QTGAL: variants seen among roughly 807,000 people sequenced by gnomAD.
QTGAL encodes the protein BGnT-like protein 1.
the QTGAL span, among the ~76,000 whole-genome samples, chr17:83,049,954 G>C: frequency 6.6e-6 from 1 of 152,140 alleles, no homozygotes; most frequent in Non-Finnish European, 1.5e-5. Flanking sequence ...AGATTAGTCT[G>C]TCCTCACCCT....
chr17:83,019,992 C>T, the QTGAL span, among the ~76,000 whole-genome samples: 145 of 152,200 alleles, frequency 9.5e-4, no homozygotes, highest in African/African-American at 3.3e-3. Flanking sequence ...CCTTGGCCTC[C>T]CAAAGTGCTG....
At chr17:83,022,039 T>C in the QTGAL span, among the ~76,000 whole-genome samples, 1 of 151,932 alleles carries the variant, frequency 6.6e-6, no homozygotes, top group Non-Finnish European at 1.5e-5. Context: ...TCTTCAAAAA[T>C]GAACCTGAAA....
chr17:83,004,762 C>CCACCCTCT, the QTGAL span, among the ~76,000 whole-genome samples: 1 of 67,220 alleles, frequency 1.5e-5, no homozygotes, highest in Non-Finnish European at 3.1e-5. Flanking sequence ...TCCCACCCTC[C>CCACCCTCT]GCAGTCCGCG....
the QTGAL span, among the ~76,000 whole-genome samples, chr17:82,992,268 G>A: frequency 6.6e-6 from 1 of 152,100 alleles, no homozygotes; most frequent in Admixed American, 6.5e-5. Flanking sequence ...TCAAACTCCT[G>A]AAGGTCAAGG....
At chr17:83,041,041 G>C in the QTGAL span, among the ~76,000 whole-genome samples, 1 of 149,862 alleles carries the variant, frequency 6.7e-6, no homozygotes, top group East Asian at 1.9e-4. Context: ...ACTCCAGGCT[G>C]GGTGACAGAG....
chr17:83,044,963 G>T, the QTGAL span, among the ~76,000 whole-genome samples: 1 of 148,630 alleles, frequency 6.7e-6, no homozygotes, highest in Non-Finnish European at 1.5e-5. Flanking sequence ...AAAAAAGAAA[G>T]AATCTAAATT....
At chr17:83,045,551 C>A in the QTGAL span, among the ~76,000 whole-genome samples, 1 of 152,032 alleles carries the variant, frequency 6.6e-6, no homozygotes, top group Non-Finnish European at 1.5e-5. Flanking sequence ...CAAAAGCACA[C>A]GCCACAAAAG....
At chr17:82,980,130 C>T in the QTGAL span, among the ~76,000 whole-genome samples, 3 of 152,130 alleles carry the variant, frequency 2.0e-5, no homozygotes, top group Admixed American at 6.5e-5. Flanking sequence ...GAAGAAAATC[C>T]TTATGTCCTA....
the QTGAL span, among the ~76,000 whole-genome samples, chr17:82,946,169 TA>T: frequency 6.6e-6 from 1 of 151,940 alleles, no homozygotes; most frequent in African/African-American, 2.4e-5. Flanking sequence ...GGAACAAGAA[TA>T]AAAAATACAC....
the QTGAL span, among the ~76,000 whole-genome samples, chr17:82,970,610 ACCTCCCCACCCGGCG>A: frequency 1.5e-4 from 21 of 139,820 alleles, 3 homozygotes; most frequent in African/African-American, 5.3e-4. Flanking sequence ...CGTGGCCGCG[ACCTCCCCACCCGGCG>A]TGGCCGCGAC....
At chr17:82,958,860 GGTGTGTGT>G in the QTGAL span, among the ~76,000 whole-genome samples, 1 of 75,366 alleles carries the variant, frequency 1.3e-5, no homozygotes. Context: ...GGGGGTGTAT[GGTGTGTGT>G]GTGTGTGTAC....
At chr17:83,041,277 C>T in the QTGAL span, among the ~76,000 whole-genome samples, 2 of 151,946 alleles carry the variant, frequency 1.3e-5, no homozygotes, top group Non-Finnish European at 2.9e-5. Flanking sequence ...CCAACATATG[C>T]ACAATGCAAG....
the QTGAL span, among the ~76,000 whole-genome samples, chr17:82,964,116 A>C: frequency 1.3e-5 from 2 of 151,832 alleles, no homozygotes; most frequent in African/African-American, 4.8e-5. Context: ...GGAAAAAAGT[A>C]GCTGGGCATG....
At chr17:82,967,485 C>T in the QTGAL span, among the ~76,000 whole-genome samples, 1 of 152,108 alleles carries the variant, frequency 6.6e-6, no homozygotes, top group African/African-American at 2.4e-5. Flanking sequence ...GTGGCCCTCA[C>T]CTGGGGCTGA....
the QTGAL span, among the ~76,000 whole-genome samples, chr17:83,042,534 G>A: frequency 3.0e-4 from 45 of 152,076 alleles, 1 homozygote; most frequent in Admixed American, 2.9e-3. Flanking sequence ...CCACTAAGAC[G>A]ATCATTTAGA....
At chr17:82,959,217 CTGTA>C in the QTGAL span, among the ~76,000 whole-genome samples, 3 of 151,684 alleles carry the variant, frequency 2.0e-5, no homozygotes, top group South Asian at 2.1e-4. Flanking sequence ...GAGTACATGC[CTGTA>C]TGTACTGTGT....
the QTGAL span, among the ~76,000 whole-genome samples, chr17:82,964,883 C>G: frequency 1.4e-4 from 9 of 65,110 alleles, 2 homozygotes; most frequent in African/African-American, 4.8e-4. Flanking sequence ...ACGGGGGGGA[C>G]GGTGACACGG....
the QTGAL span, among the ~76,000 whole-genome samples, chr17:82,973,196 G>A: frequency 6.6e-6 from 1 of 152,242 alleles, no homozygotes; most frequent in African/African-American, 2.4e-5. Flanking sequence ...AAGGAGAAAA[G>A]GGCAAACCCA....
At chr17:83,019,163 C>T in the QTGAL span, among the ~76,000 whole-genome samples, 10 of 152,042 alleles carry the variant, frequency 6.6e-5, no homozygotes, top group African/African-American at 1.4e-4. Flanking sequence ...TGTGCTGGCC[C>T]GGGGATTGAT....
Sources: allele counts gnomAD v4.1 joint callset (sites outside exome capture counted in the v4.1 genomes callset), GRCh38; gene constraint gnomAD v4.1.1; transcripts MANE v1.5; gene names NCBI Gene and HGNC (gene_info 2026-07-23, HGNC 2026-07-21).